Variants in ZNF407 observed in about 807,000 individuals in gnomAD.
The protein encoded by ZNF407 is zinc finger protein 407.
In ZNF407, 17 loss-of-function variants were observed where a neutral mutation model predicts 131.2. The observed-to-expected ratio is 0.13, with a 90% confidence interval of 0.09 to 0.19. ZNF407 has a LOEUF of 0.19. Ranked by LOEUF, ZNF407 falls within the 10% of genes least tolerant of loss-of-function variation. The pLI is 1.00. For missense variants in ZNF407, 2,681 were observed against 2,830.6 expected (o/e 0.95, Z 1.20); for synonymous variants, 1,156 against 1,062.0 (o/e 1.09, Z -1.72).
In ZNF407 at chr18:74,615,514, T is replaced by C. The variant is rs1224315054; in HGVS notation, c.-53-15453T>C. On this transcript the variant is annotated intron_variant, in intron 1 of 8. Transcript: ENST00000299687. ...GTGAGACTCCGTCTTAAAAAAACTTTTATCACGTTTGAGCTGTTTTAAAGT... is the reference window on the plus strand; with the variant it reads ...GTGAGACTCCGTCTTAAAAAAACTTCTATCACGTTTGAGCTGTTTTAAAGT... Among the ~76,000 whole-genome samples, 3 of 152,256 alleles carry C rather than the reference T, an allele frequency of 2.0e-5. No individual in the cohort carries two copies. The South Asian group carries it at 6.2e-4, about 32-fold the overall frequency.
intron 6 of ZNF407, among the ~76,000 whole-genome samples, chr18:74,886,052 GTA>G (rs1470941407): frequency 6.6e-6 from 1 of 152,152 alleles, no homozygotes; most frequent in East Asian, 1.9e-4. Context: ...GACAGAGAAA[GTA>G]TATTTAAGTG....
chr18:74,980,520 G>C (rs1392192323), intron 8 of ZNF407, among the ~76,000 whole-genome samples: 1 of 151,908 alleles, frequency 6.6e-6, no homozygotes, highest in African/African-American at 2.4e-5. Context: ...GATGAGGCTG[G>C]TCTCGAATTC....
intron 4 of ZNF407, among the ~76,000 whole-genome samples, chr18:74,821,442 C>A (rs1416896253): frequency 6.6e-6 from 1 of 151,794 alleles, no homozygotes; most frequent in African/African-American, 2.4e-5. Flanking sequence ...CACAACAGGC[C>A]CCCGTGTGTG....
chr18:75,047,536 ATT>A (rs60804142), intron 8 of ZNF407, among the ~76,000 whole-genome samples: 1 of 151,386 alleles, frequency 6.6e-6, no homozygotes, highest in Non-Finnish European at 1.5e-5. Flanking sequence ...TTCCAAGAGG[ATT>A]TTTTTTTCCC....
intron 3 of ZNF407, among the ~76,000 whole-genome samples, chr18:74,669,764 T>G (rs1432666053): frequency 1.3e-5 from 2 of 152,182 alleles, no homozygotes; most frequent in African/African-American, 4.8e-5. Context: ...TCCTCTCAGG[T>G]TAGCCTGGTT....
At chr18:74,868,297 A>T (rs1971040856) in intron 4 of ZNF407, among the ~76,000 whole-genome samples, 1 of 152,200 alleles carries the variant, frequency 6.6e-6, no homozygotes. Flanking sequence ...GGGCATTGTT[A>T]TAGGAGGTTT....
intron 3 of ZNF407, among the ~76,000 whole-genome samples, chr18:74,682,557 C>T (rs927035255): frequency 6.6e-6 from 1 of 152,098 alleles, no homozygotes; most frequent in African/African-American, 2.4e-5. Flanking sequence ...TAGCTGATAC[C>T]TGGAAGTGAT....
At chr18:75,034,603 G>T (rs1462285851) in intron 8 of ZNF407, among the ~76,000 whole-genome samples, 1 of 145,444 alleles carries the variant, frequency 6.9e-6, no homozygotes, top group Admixed American at 6.9e-5. Context: ...CGCCCGGCGG[G>T]TTTTTTTTTT....
chr18:75,055,870 C>CATGCAATG (rs1415108111), intron 8 of ZNF407, among the ~76,000 whole-genome samples: 2 of 152,310 alleles, frequency 1.3e-5, no homozygotes, highest in South Asian at 2.1e-4. Context: ...TGTTCCTTCA[C>CATGCAATG]TAAAAATTGC....
At chr18:74,611,848 TG>T (rs1342575855) in intron 1 of ZNF407, among the ~76,000 whole-genome samples, 1 of 152,202 alleles carries the variant, frequency 6.6e-6, no homozygotes, top group Admixed American at 6.5e-5. Flanking sequence ...GCCAGGTTTC[TG>T]ACTGTCAAGC....
chr18:74,725,643 G>A (rs1220862568), intron 3 of ZNF407, among the ~76,000 whole-genome samples: 3 of 152,010 alleles, frequency 2.0e-5, no homozygotes, highest in Non-Finnish European at 4.4e-5. Context: ...GTTGAACTTG[G>A]ATTGAACCTT....
chr18:74,691,622 G>T (rs548993), intron 3 of ZNF407, among the ~76,000 whole-genome samples: 119,663 of 151,980 alleles, frequency 0.79, 47,260 homozygotes, highest in East Asian at 0.89. Context: ...CCCCATTTCT[G>T]AGGATTAAAG....
intron 7 of ZNF407, among the ~76,000 whole-genome samples, chr18:74,909,892 CAG>C (rs765061188): frequency 1.2e-4 from 19 of 152,036 alleles, no homozygotes; most frequent in Non-Finnish European, 2.6e-4. Flanking sequence ...GAATAAATGG[CAG>C]AGTTTTTCCT....
chr18:74,883,182 T>G (rs1467754681), intron 6 of ZNF407, among the ~76,000 whole-genome samples: 1 of 152,254 alleles, frequency 6.6e-6, no homozygotes, highest in Non-Finnish European at 1.5e-5. Context: ...ATCTGTCTTT[T>G]TGGCATTTAT....
chr18:74,610,693 T>C (rs8094344), intron 1 of ZNF407, among the ~76,000 whole-genome samples: 22,603 of 151,946 alleles, frequency 0.15, 2,003 homozygotes, highest in African/African-American at 0.23. Flanking sequence ...GGGATTAAGG[T>C]GCCCACTACC....
chr18:74,825,119 T>C (rs1970392341), intron 4 of ZNF407, among the ~76,000 whole-genome samples: 1 of 152,220 alleles, frequency 6.6e-6, no homozygotes, highest in Admixed American at 6.5e-5. Flanking sequence ...ACCACATGAT[T>C]ATCTCAATAG....
intron 7 of ZNF407, among the ~76,000 whole-genome samples, chr18:74,897,740 A>G (rs182466441): frequency 1.3e-5 from 2 of 152,358 alleles, no homozygotes; most frequent in Admixed American, 6.5e-5. Context: ...ATCTTCCAGC[A>G]ATAGAAGCTC....
At chr18:74,876,371 C>A (rs116440436) in intron 4 of ZNF407, among the ~76,000 whole-genome samples, 1 of 152,092 alleles carries the variant, frequency 6.6e-6, no homozygotes, top group Non-Finnish European at 1.5e-5. Context: ...GTTTTAAACT[C>A]ATATTGGAAA....
intron 3 of ZNF407, among the ~76,000 whole-genome samples, chr18:74,717,321 C>T (rs1199077247): frequency 6.6e-6 from 1 of 152,200 alleles, no homozygotes; most frequent in Non-Finnish European, 1.5e-5. Flanking sequence ...CAAGATTGTA[C>T]TCCTGAGTCC....
Sources: gnomAD v4.1 joint callset for allele counts (sites outside exome capture counted in the v4.1 genomes callset) on GRCh38, gnomAD v4.1.1 for gene constraint, MANE v1.5 for transcripts, NCBI Gene and HGNC (gene_info 2026-07-23, HGNC 2026-07-21) for gene names.